The following MBTD1 variants were observed in gnomAD, a reference collection of about 807,000 sequenced individuals.
MBTD1 encodes the protein MBT domain-containing protein 1.
In MBTD1, 24 loss-of-function variants were observed where a neutral mutation model predicts 87.8. The observed-to-expected ratio is 0.27, with a 90% CI of 0.20 to 0.38. The LOEUF is 0.38. Among genes scored for constraint, MBTD1 ranks in the 10% least tolerant of loss-of-function variants. MBTD1 has a pLI of 1.00. For synonymous variants in MBTD1, 237 were observed against 248.6 expected, an observed-to-expected ratio of 0.95 and a Z score of 0.44; for missense variants, 436 against 760.2, an observed-to-expected ratio of 0.57 and a Z score of 5.02.
intron 2 of MBTD1, among the ~76,000 whole-genome samples, chr17:51,243,883 C>A (rs553867434): frequency 6.6e-6 from 1 of 152,230 alleles, no homozygotes; most frequent in African/African-American, 2.4e-5. Context: ...GAATGCTTCT[C>A]ATTTGAGGTT....
In MBTD1 at chr17:51,244,228, G is replaced by C. The variant is rs560719670; in HGVS notation, c.-49+14915C>G. Among the ~76,000 whole-genome samples, 131 of 152,222 alleles carry C rather than the reference G, an allele frequency of 8.6e-4. 1 individual carries two copies. The South Asian group carries it at 0.026, about 30-fold the overall frequency. On this transcript the variant is annotated intron_variant, in intron 2 of 16. Coordinates refer to ENST00000586178, the MANE Select transcript of MBTD1 (RefSeq NM_017643.3). ...GCTGCAAAACGATTTCCCAACTCCA[G>C]CACTTTTTTATCAGTCAGCAAGAAA...
Position 51,260,045 on chromosome 17 carries a change from A to G in MBTD1, c.-323T>C, listed in dbSNP as rs993858831. The stretch of plus-strand genomic sequence containing the variant: ...CTCGGGTGGCCCCAGGATATCAACA[A>G]CATTAGCATAGCCCTCCCTCCCCAG... On this transcript the variant is annotated 5_prime_UTR_variant, in exon 1 of 17. Coordinates refer to ENST00000586178, the MANE Select transcript of MBTD1 (RefSeq NM_017643.3). 2.4e-5 allele frequency: 10 copies of G among 409,242 alleles called. No homozygotes were observed. Among genetic ancestry groups the G allele is most frequent in the Admixed American group, 4.5e-5 (1 of 22,468 alleles). The allele number at this position is 409,242 out of a possible 1,614,324, so 25.4% of individuals were successfully genotyped here.
intron 15 of MBTD1, 138 bp downstream of exon 15, chr17:51,192,644 T>A: frequency 6.8e-7 from 1 of 1,464,896 alleles, no homozygotes; most frequent in Non-Finnish European, 9.2e-7. Context: ...TGTTGTTGAG[T>A]CTTAATGTCT....
At chr17:51,211,524 C>T (rs1206875129) in intron 6 of MBTD1, among the ~76,000 whole-genome samples, 1 of 139,188 alleles carries the variant, frequency 7.2e-6, no homozygotes, top group Non-Finnish European at 1.6e-5. Flanking sequence ...AAAAAAAAGA[C>T]AAGACAGGTG....
chr17:51,218,413 C>A (rs1187143282), intron 5 of MBTD1, among the ~76,000 whole-genome samples: 1 of 151,320 alleles, frequency 6.6e-6, no homozygotes, highest in Non-Finnish European at 1.5e-5. Flanking sequence ...CCTGTAGTCT[C>A]AGCTACTTGG....
chr17:51,179,504 A>ATATATTTT lies in MBTD1; in HGVS notation c.*1071_*1072insAAAATATA, dbSNP rs1568135884. On this transcript the variant is annotated 3_prime_UTR_variant, in exon 17 of 17. Coordinates refer to ENST00000586178, the MANE Select transcript of MBTD1 (RefSeq NM_017643.3). ...CAATTTTATATATATATATATATAT[A>ATATATTTT]TATATATATATATATATATATATAT... The ATATATTTT allele has an allele frequency of 2.5e-5, 2 of 80,184 alleles. No homozygotes were observed. Among genetic ancestry groups the ATATATTTT allele is most frequent in the Admixed American group, 2.7e-4 (2 of 7,514 alleles). The allele number at this position is 80,184 out of a possible 1,614,324, so 5.0% of individuals were successfully genotyped here. A position where few individuals can be genotyped will look rare whatever the true frequency, so the allele number is the denominator to read the frequency against.
At chr17:51,239,333 T>C (rs374431655) in intron 2 of MBTD1, among the ~76,000 whole-genome samples, 1 of 152,208 alleles carries the variant, frequency 6.6e-6, no homozygotes, top group African/African-American at 2.4e-5. Flanking sequence ...ATGTCCTTTA[T>C]TATAAGATCA....
intron 2 of MBTD1, among the ~76,000 whole-genome samples, chr17:51,252,370 C>T (rs2054838358): frequency 6.6e-6 from 1 of 152,130 alleles, no homozygotes; most frequent in African/African-American, 2.4e-5. Flanking sequence ...TGTAAGCATA[C>T]AAAACAAGCA....
chr17:51,231,109 T>C (rs1490993969), intron 2 of MBTD1, among the ~76,000 whole-genome samples: 1 of 152,168 alleles, frequency 6.6e-6, no homozygotes, highest in Non-Finnish European at 1.5e-5. Flanking sequence ...GGCTAACTTT[T>C]GTATTTTTAG....
chr17:51,217,487 A>G, intron 5 of MBTD1, 71 bp from the exon 6 acceptor site: 1 of 710,002 alleles, frequency 1.4e-6, no homozygotes, highest in Non-Finnish European at 2.3e-6. Context: ...ATCATTGTTA[A>G]AATGTGTGAA....
chr17:51,245,392 T>C (rs1598425351), intron 2 of MBTD1, among the ~76,000 whole-genome samples: 1 of 152,206 alleles, frequency 6.6e-6, no homozygotes, highest in African/African-American at 2.4e-5. Flanking sequence ...ATATCTGAGA[T>C]AGCAAAATGT....
intron 16 of MBTD1, chr17:51,183,156 AAAG>A (rs2050390909): frequency 1.4e-5 from 2 of 146,118 alleles, no homozygotes; most frequent in African/African-American, 5.1e-5. Flanking sequence ...TTGCTAATTT[AAAG>A]AATAATCTTT....
chr17:51,199,916 C>A (rs578203383), intron 12 of MBTD1, among the ~76,000 whole-genome samples: 2 of 152,150 alleles, frequency 1.3e-5, no homozygotes, highest in South Asian at 4.2e-4. Context: ...CCTCCACCTC[C>A]CGGGTTCAAG....
chr17:51,230,522 CAG>C (rs1461900072), intron 2 of MBTD1, among the ~76,000 whole-genome samples: 1 of 152,136 alleles, frequency 6.6e-6, no homozygotes, highest in African/African-American at 2.4e-5. Flanking sequence ...TGTGTGAGGG[CAG>C]AGTCACTCAA....
At chr17:51,253,587 GC>G (rs1428279801) in intron 2 of MBTD1, among the ~76,000 whole-genome samples, 1 of 152,122 alleles carries the variant, frequency 6.6e-6, no homozygotes, top group Non-Finnish European at 1.5e-5. Flanking sequence ...GTTTTTATGT[GC>G]ACTAAGAAAG....
intron 12 of MBTD1, 46 bp downstream of exon 12, chr17:51,201,546 C>T: frequency 1.6e-6 from 2 of 1,287,010 alleles, no homozygotes; most frequent in South Asian, 1.3e-5. Context: ...AGCTTATACC[C>T]AAATCCTATA....
intron 2 of MBTD1, chr17:51,256,463 G>A (rs1398072886): frequency 1.3e-5 from 2 of 152,090 alleles, no homozygotes; most frequent in South Asian, 2.1e-4. Context: ...AAACTTTCTG[G>A]GGTATACATT....
chr17:51,216,547 TCA>T (rs1364335525), intron 6 of MBTD1, among the ~76,000 whole-genome samples: 1 of 152,168 alleles, frequency 6.6e-6, no homozygotes, highest in African/African-American at 2.4e-5. Flanking sequence ...ATATTTTAGC[TCA>T]CAATACTATG....
chr17:51,216,644 T>A (rs561178465), intron 6 of MBTD1, among the ~76,000 whole-genome samples: 1 of 152,356 alleles, frequency 6.6e-6, no homozygotes, highest in East Asian at 1.9e-4. Context: ...GAATTATCAG[T>A]TCAAATTGCA....
Sources: allele counts gnomAD v4.1 joint callset (sites outside exome capture counted in the v4.1 genomes callset), GRCh38; gene constraint gnomAD v4.1.1; transcripts MANE v1.5; gene names NCBI Gene and HGNC (gene_info 2026-07-23, HGNC 2026-07-21).